POFUT1: variants seen among roughly 807,000 people sequenced by gnomAD.
POFUT1 encodes protein O-fucosyltransferase 1.
POFUT1 carries 16 observed loss-of-function variants against 42.4 expected under a neutral mutation model. The ratio of observed to expected loss-of-function variants is 0.38; its 90% CI spans 0.26 to 0.57. POFUT1 has a LOEUF of 0.57. POFUT1 is among the 20% of genes least tolerant of loss of function. The pLI is 0.71. For synonymous variants in POFUT1, 206 were observed against 205.4 expected (o/e 1.00, Z -0.03); for missense variants, 470 against 504.6 (o/e 0.93, Z 0.66).
intron 4 of POFUT1, chr20:32,223,017 T>G: frequency 2.0e-6 from 2 of 985,402 alleles, no homozygotes; most frequent in Non-Finnish European, 2.4e-6. Flanking sequence ...TGTCCCTGGG[T>G]CTTCTGCACT....
rs982436207 is a variant in POFUT1 at position 32,236,757 on chromosome 20, C to T, written c.*2096C>T. 3.3e-5 allele frequency: 5 copies of T among 152,196 alleles called. No individual in the cohort carries two copies. Among genetic ancestry groups the T allele is most frequent in the African/African-American group, 1.2e-4 (5 of 41,450 alleles). The allele number at this position is 152,196 out of a possible 1,614,324, so 9.4% of individuals were successfully genotyped here. ...ATTAATTTGACTGCTTCTCGTTGCTCGTCACCTCCATGCCAGGCACTGTGC... is the reference window on the plus strand; with the variant it reads ...ATTAATTTGACTGCTTCTCGTTGCTTGTCACCTCCATGCCAGGCACTGTGC... On this transcript the variant is annotated 3_prime_UTR_variant, in exon 7 of 7. Coordinates refer to ENST00000375749, the MANE Select transcript of POFUT1 (RefSeq NM_015352.2).
chr20:32,218,590 T>C (rs1205016334), intron 4 of POFUT1, among the ~76,000 whole-genome samples: 1 of 152,192 alleles, frequency 6.6e-6, no homozygotes, highest in Non-Finnish European at 1.5e-5. Context: ...ATCTTCCTCA[T>C]TGTTGATCCC....
intron 4 of POFUT1, among the ~76,000 whole-genome samples, chr20:32,226,093 G>C (rs1031678807): frequency 3.4e-5 from 5 of 145,554 alleles, no homozygotes; most frequent in African/African-American, 1.3e-4. Flanking sequence ...CTTGTATTTA[G>C]GTGTGTGTTT....
intron 4 of POFUT1, chr20:32,217,355 C>T: frequency 2.6e-6 from 3 of 1,136,446 alleles, no homozygotes; most frequent in Non-Finnish European, 3.2e-6. Flanking sequence ...TATAGCATGG[C>T]AGGAAAGACC....
chr20:32,234,567 T>A lies in POFUT1; in HGVS notation c.1073T>A (p.Phe358Tyr). Reference sequence around the variant, plus strand: ...TTTATTGGCAACTGTGTCTCCTCCTTCACTGCCTTTGTGAAGCGGGAGCGG... The same window carrying A: ...TTTATTGGCAACTGTGTCTCCTCCTACACTGCCTTTGTGAAGCGGGAGCGG... ...DHFIGNCVSSFTAFVKRERDL... is the reference protein window; with the variant it reads ...DHFIGNCVSSYTAFVKRERDL... The change falls in exon 7 of 7, where the codon TTC (phenylalanine) becomes TAC (tyrosine). Residue 358 changes from phenylalanine (F) to tyrosine (Y), a missense_variant. Transcript: ENST00000375749. 4.3e-6 allele frequency: 7 copies of A among 1,614,220 alleles called. No individual in the cohort carries two copies. Among genetic ancestry groups the A allele is most frequent in the Non-Finnish European group, 5.9e-6 (7 of 1,180,022 alleles).
chr20:32,229,666 C>T (rs1362889079), intron 5 of POFUT1, among the ~76,000 whole-genome samples: 1 of 152,162 alleles, frequency 6.6e-6, no homozygotes, highest in Non-Finnish European at 1.5e-5. Context: ...CAGTGAATGT[C>T]CCAGATAATG....
At chr20:32,224,401 A>G (rs1200765843) in intron 4 of POFUT1, among the ~76,000 whole-genome samples, 2 of 152,028 alleles carry the variant, frequency 1.3e-5, no homozygotes, top group African/African-American at 4.8e-5. Context: ...CAAAAAAAAA[A>G]GGAAAGAAAA....
intron 2 of POFUT1, among the ~76,000 whole-genome samples, chr20:32,212,424 C>T (rs564269497): frequency 6.6e-6 from 1 of 152,072 alleles, no homozygotes; most frequent in South Asian, 2.1e-4. Context: ...CACCATCACA[C>T]CCGGCTAATT....
At chr20:32,224,868 C>T (rs1422681976) in intron 4 of POFUT1, among the ~76,000 whole-genome samples, 1 of 152,194 alleles carries the variant, frequency 6.6e-6, no homozygotes, top group East Asian at 1.9e-4. Context: ...GAAGCTAATA[C>T]AACCACATGA....
At chr20:32,233,142 C>T (rs1382281968) in intron 6 of POFUT1, among the ~76,000 whole-genome samples, 1 of 152,172 alleles carries the variant, frequency 6.6e-6, no homozygotes, top group Non-Finnish European at 1.5e-5. Context: ...AGCTCTAGCC[C>T]CAGTCAGGGG....
In POFUT1 at chr20:32,237,784, G is replaced by A. The variant is rs2047479459; in HGVS notation, c.*3123G>A. ...GAGACCAGTGCAGGGCTGTTAACAG[G>A]GTTGCAGGCGAGAGACTGGGGTGCT... On this transcript the variant is annotated 3_prime_UTR_variant, in exon 7 of 7. Coordinates refer to ENST00000375749, the MANE Select transcript of POFUT1 (RefSeq NM_015352.2). The A allele has an allele frequency of 1.9e-6, 1 of 534,602 alleles. No individual in the cohort carries two copies. Among genetic ancestry groups the A allele is most frequent in the African/African-American group, 1.9e-5 (1 of 51,956 alleles). The allele number at this position is 534,602 out of a possible 1,614,324, so 33.1% of individuals were successfully genotyped here.
intron 4 of POFUT1, among the ~76,000 whole-genome samples, chr20:32,227,880 C>T (rs2047422665): frequency 6.6e-6 from 1 of 152,294 alleles, no homozygotes; most frequent in South Asian, 2.1e-4. Context: ...AGCTGCATGT[C>T]CCAGTCCTGC....
intron 5 of POFUT1, among the ~76,000 whole-genome samples, chr20:32,230,599 G>A (rs531562953): frequency 1.8e-4 from 27 of 151,564 alleles, no homozygotes; most frequent in Admixed American, 5.9e-4. Flanking sequence ...GGAGGCTGAG[G>A]CAGGAGAATT....
chr20:32,222,841 G>C, intron 4 of POFUT1: 3 of 984,074 alleles, frequency 3.0e-6, no homozygotes, highest in Non-Finnish European at 3.6e-6. Flanking sequence ...CAGGTATAAT[G>C]GTCCAGGAAT....
At chr20:32,215,027 A>G (rs886568912) in intron 2 of POFUT1, among the ~76,000 whole-genome samples, 4 of 152,122 alleles carry the variant, frequency 2.6e-5, no homozygotes, top group Admixed American at 6.6e-5. Context: ...AGCTGGGACT[A>G]CAGGTGCTCG....
At position 32,234,535 on chromosome 20, in the gene POFUT1, C is replaced by A; in HGVS notation, c.1041C>A (p.Ala347=). Reference sequence around the variant, plus strand: ...TCGACCTGTACATCCTCGGCCAAGCCGACCACTTTATTGGCAACTGTGTCT... The same window carrying A: ...TCGACCTGTACATCCTCGGCCAAGCAGACCACTTTATTGGCAACTGTGTCT... ...AQVDLYILGQ[A]DHFIGNCVSS... The change falls in exon 7 of 7, where the codon GCC becomes GCA. Residue 347 remains alanine, a synonymous_variant. Transcript: ENST00000375749. 1 of 1,614,146 alleles carries A rather than the reference C, an allele frequency of 6.2e-7. No individual in the cohort carries two copies. The highest frequency in any genetic ancestry group is 8.5e-7 in the Non-Finnish European group (1 of 1,179,970).
At chr20:32,216,580 G>A in intron 3 of POFUT1, 29 bp from the exon 4 acceptor site, 5 of 1,438,244 alleles carry the variant, frequency 3.5e-6, no homozygotes, top group South Asian at 2.3e-5. Flanking sequence ...CTCCCCATCA[G>A]TAAGCCTTCC....
chr20:32,224,694 AG>A (rs2047406308), intron 4 of POFUT1, among the ~76,000 whole-genome samples: 1 of 152,204 alleles, frequency 6.6e-6, no homozygotes, highest in Admixed American at 6.5e-5. Context: ...GAGGTGTGGA[AG>A]GTGTTTGCTG....
At chr20:32,230,319 G>A (rs2047435848) in intron 5 of POFUT1, among the ~76,000 whole-genome samples, 1 of 151,030 alleles carries the variant, frequency 6.6e-6, no homozygotes, top group Non-Finnish European at 1.5e-5. Context: ...CCCAGGAGGT[G>A]GAGCTTGCAG....
Sources: allele counts gnomAD v4.1 joint callset (sites outside exome capture counted in the v4.1 genomes callset), GRCh38; gene constraint gnomAD v4.1.1; transcripts MANE v1.5; gene names NCBI Gene and HGNC (gene_info 2026-07-23, HGNC 2026-07-21).